The following SPIDR variants were observed in gnomAD, a reference collection of about 807,000 sequenced individuals.
SPIDR encodes DNA repair-scaffolding protein.
In SPIDR, 93 loss-of-function variants were observed where a neutral mutation model predicts 104.6. The observed-to-expected ratio is 0.89, with a 90% CI of 0.75 to 1.06. SPIDR has a LOEUF of 1.06. SPIDR is among the 50% of genes least tolerant of loss of function. SPIDR has a pLI of 0.00. For synonymous variants in SPIDR, 431 were observed against 416.9 expected (o/e 1.03, Z -0.41); for missense variants, 1,154 against 1,111.2 (o/e 1.04, Z -0.55).
intron 8 of SPIDR, chr8:47,548,041 C>A (rs1186135066): frequency 6.6e-6 from 1 of 152,218 alleles, no homozygotes; most frequent in Non-Finnish European, 1.5e-5. Flanking sequence ...CATTTTCATT[C>A]AGTTTAATGT....
rs2065037637 is a variant in SPIDR at position 47,419,575 on chromosome 8, G to A, written c.877+11614G>A. 2.0e-5 allele frequency among the ~76,000 whole-genome samples: 3 copies of A among 152,164 alleles called. No individual in the cohort carries two copies. In the South Asian group the frequency reaches 6.2e-4, roughly 32 times the overall value. On this transcript the variant is annotated intron_variant, in intron 7 of 19. Coordinates refer to ENST00000297423, the MANE Select transcript of SPIDR (RefSeq NM_001080394.4). Reference sequence around the variant, plus strand: ...TGATCTTTTCAAAAAACCAGCTCCTGGATTCATTGATTTTTTTGAAGGGTT... The same window carrying A: ...TGATCTTTTCAAAAAACCAGCTCCTAGATTCATTGATTTTTTTGAAGGGTT...
intron 4 of SPIDR, among the ~76,000 whole-genome samples, chr8:47,292,273 G>A (rs935612116): frequency 2.6e-5 from 4 of 151,996 alleles, no homozygotes; most frequent in Admixed American, 1.3e-4. Flanking sequence ...ACAGCTTCTC[G>A]GGAGGGTAGT....
At chr8:47,691,501 A>G (rs1434913726) in intron 11 of SPIDR, among the ~76,000 whole-genome samples, 1 of 152,160 alleles carries the variant, frequency 6.6e-6, no homozygotes, top group African/African-American at 2.4e-5. Context: ...GCTCCAGGAC[A>G]CACCAGAAGT....
chr8:47,575,153 C>A (rs1246333970), intron 8 of SPIDR, among the ~76,000 whole-genome samples: 5 of 152,086 alleles, frequency 3.3e-5, no homozygotes. Context: ...TTTATTCTGA[C>A]CCCTGCTTGT....
At chr8:47,474,101 G>A (rs1411453376) in intron 8 of SPIDR, among the ~76,000 whole-genome samples, 1 of 152,106 alleles carries the variant, frequency 6.6e-6, no homozygotes, top group African/African-American at 2.4e-5. Flanking sequence ...GTGTGATCAT[G>A]CTATCTAGAA....
chr8:47,690,443 T>C (rs1427703887), intron 11 of SPIDR, among the ~76,000 whole-genome samples: 1 of 149,328 alleles, frequency 6.7e-6, no homozygotes, highest in Non-Finnish European at 1.5e-5. Flanking sequence ...ATTTTTTCTT[T>C]ATATATTATT....
chr8:47,599,073 C>T lies in SPIDR; in HGVS notation c.1421C>T (p.Ala474Val). 1 of 1,612,878 alleles carries T rather than the reference C, an allele frequency of 6.2e-7. No homozygotes were observed. The highest frequency in any genetic ancestry group is 8.5e-7 in the Non-Finnish European group (1 of 1,179,414). Residue 474 changes from alanine to valine, a missense_variant, in exon 10 of 20, where the codon GCT (alanine) becomes GTT (valine). By Grantham distance (64) the Ala-to-Val change is moderately conservative. Transcript: ENST00000297423. ...SLLDVVESQG[A>V]ASWPGAGVRV... ...CTGGATGTGGTGGAAAGCCAGGGAG[C>T]TGCCTCGTGGCCAGGAGCTGGAGTC...
chr8:47,716,924 A>G (rs1563648429), intron 16 of SPIDR, among the ~76,000 whole-genome samples: 1 of 152,126 alleles, frequency 6.6e-6, no homozygotes, highest in Non-Finnish European at 1.5e-5. Flanking sequence ...ATATGGTCAG[A>G]TTTTTTAATG....
chr8:47,324,504 A>C (rs1029983849), intron 5 of SPIDR, among the ~76,000 whole-genome samples: 14 of 152,254 alleles, frequency 9.2e-5, no homozygotes, highest in African/African-American at 3.4e-4. Flanking sequence ...AAGTGAAATT[A>C]GATCTTTTGA....
In SPIDR at chr8:47,596,088, A is replaced by T. The variant is rs2154423298; in HGVS notation, c.1293+82A>T. The T allele has an allele frequency of 4.6e-6, 6 of 1,295,668 alleles. No homozygotes were observed. The Middle Eastern group carries it at 5.8e-4, about 125-fold the overall frequency. The allele number at this position is 1,295,668 out of a possible 1,614,324, so 80.3% of individuals were successfully genotyped here. On this transcript the variant is annotated intron_variant, in intron 9 of 19. Transcript: ENST00000297423. ...TGGAAGGGCTTCAGTGTAAGTGAAG[A>T]TGTTAGCCTTTTGTCTCCCTCCAAA...
intron 10 of SPIDR, among the ~76,000 whole-genome samples, chr8:47,623,240 T>A (rs893941553): frequency 3.9e-5 from 6 of 152,092 alleles, no homozygotes; most frequent in Non-Finnish European, 7.3e-5. Flanking sequence ...AAGGAAGCAC[T>A]AAACATGGAA....
chr8:47,319,828 A>G (rs911512683), intron 5 of SPIDR, among the ~76,000 whole-genome samples: 2 of 152,090 alleles, frequency 1.3e-5, no homozygotes, highest in African/African-American at 4.8e-5. Flanking sequence ...AAACTGAACA[A>G]CCTGCTCCTG....
intron 8 of SPIDR, among the ~76,000 whole-genome samples, chr8:47,565,003 T>G (rs911798128): frequency 5.9e-5 from 9 of 152,248 alleles, no homozygotes; most frequent in African/African-American, 2.2e-4. Flanking sequence ...TGCCAGCACT[T>G]TGGGAGGCTG....
chr8:47,526,146 C>T (rs2084952750), intron 8 of SPIDR, among the ~76,000 whole-genome samples: 1 of 152,164 alleles, frequency 6.6e-6, no homozygotes, highest in African/African-American at 2.4e-5. Flanking sequence ...TGGGGCTGTT[C>T]CCAGGCTCAG....
intron 10 of SPIDR, among the ~76,000 whole-genome samples, chr8:47,602,744 G>A (rs899282918): frequency 2.6e-5 from 4 of 152,156 alleles, no homozygotes; most frequent in Admixed American, 6.5e-5. Context: ...TGCCAACCTC[G>A]AAATTAAAAG....
intron 5 of SPIDR, among the ~76,000 whole-genome samples, chr8:47,320,242 G>A (rs901355423): frequency 3.3e-5 from 5 of 152,062 alleles, no homozygotes; most frequent in Non-Finnish European, 7.4e-5. Context: ...TCAAATAGAT[G>A]CAATAAAAAA....
At chr8:47,301,214 C>G (rs912776211) in intron 5 of SPIDR, among the ~76,000 whole-genome samples, 1 of 152,174 alleles carries the variant, frequency 6.6e-6, no homozygotes, top group Non-Finnish European at 1.5e-5. Flanking sequence ...CCTTCTTTGT[C>G]TCTTCTGATC....
At chr8:47,595,748 A>G in intron 8 of SPIDR, 63 bp from the exon 9 acceptor site, 1 of 1,504,932 alleles carries the variant, frequency 6.6e-7, no homozygotes, top group Non-Finnish European at 9.2e-7. Context: ...TTCCTGATTT[A>G]GCAAGAATAT....
intron 1 of SPIDR, among the ~76,000 whole-genome samples, chr8:47,268,658 G>T (rs2034596547): frequency 6.6e-6 from 1 of 152,020 alleles, no homozygotes; most frequent in South Asian, 2.1e-4. Flanking sequence ...GAGTCTCGCT[G>T]TGTTGCCCAG....
Sources: gnomAD v4.1 joint callset for allele counts (sites outside exome capture counted in the v4.1 genomes callset) on GRCh38, gnomAD v4.1.1 for gene constraint, MANE v1.5 for transcripts, NCBI Gene and HGNC (gene_info 2026-07-23, HGNC 2026-07-21) for gene names.